CPEB1: variants seen among roughly 807,000 people sequenced by gnomAD.
CPEB1 encodes cytoplasmic polyadenylation element-binding protein 1.
A neutral mutation model predicts 65.8 loss-of-function variants in CPEB1; 7 were observed. The observed-to-expected ratio is 0.11, with a 90% CI of 0.06 to 0.20. CPEB1 has a LOEUF of 0.20. Ranked by LOEUF, CPEB1 falls within the 10% of genes least tolerant of loss-of-function variation. The pLI, the probability that CPEB1 is intolerant of heterozygous loss-of-function variation, is 1.00. For missense variants in CPEB1, 551 were observed against 712.2 expected (o/e 0.77, Z 2.58); for synonymous variants, 262 against 260.0 (o/e 1.01, Z -0.08).
At chr15:82,571,255 G>A (rs2039980558) in intron 4 of CPEB1, 89 bp downstream of exon 4, 1 of 1,491,948 alleles carries the variant, frequency 6.7e-7, no homozygotes, top group Non-Finnish European at 9.0e-7. Flanking sequence ...GTGATGCAAA[G>A]GGGAACAGAA....
rs537799390 is a variant in CPEB1 at position 82,571,481 on chromosome 15, G to A, written c.323C>T (p.Ser108Phe). Reference protein sequence around the residue: ...TVTSRMLFPTSAQESSRGLPD... With the variant: ...TVTSRMLFPTFAQESSRGLPD... ...GAGGCCACGGGAAGATTCTTGCGCA[G>A]AGGTTGGGAAAAGCATCCTGCTTGT... is the stretch of plus-strand genomic sequence containing the variant. Residue 108 changes from serine (S) to phenylalanine (F), a missense_variant, in exon 4 of 13, where the codon TCT becomes TTT. Coordinates refer to ENST00000684509, the MANE Select transcript of CPEB1 (RefSeq NM_001365242.1). The A allele has an allele frequency of 5.6e-6, 9 of 1,614,230 alleles. No individual in the cohort carries two copies. The South Asian group carries it at 8.8e-5, about 16-fold the overall frequency.
At chr15:82,580,187 G>A (rs1241880603) in intron 3 of CPEB1, among the ~76,000 whole-genome samples, 1 of 151,564 alleles carries the variant, frequency 6.6e-6, no homozygotes, top group African/African-American at 2.4e-5. Flanking sequence ...TGGGCATGGT[G>A]CCACGTGCCT....
rs78565363 is a variant in CPEB1, at chr15:82,624,480, A to G, written c.271+2713T>C. Among the ~76,000 whole-genome samples the G allele has an allele frequency of 2.4e-3, 366 of 152,162 alleles. 4 individuals carry two copies. The East Asian group carries it at 0.04, about 17-fold the overall frequency. ...TCAAGCTTAGAACCCAGGTTTCCCA[A>G]TTTCCTCAAGATCTTCCTCCTGCTT... On this transcript the variant is annotated intron_variant, in intron 3 of 12. Coordinates refer to ENST00000684509, the MANE Select transcript of CPEB1 (RefSeq NM_001365242.1).
intron 4 of CPEB1, among the ~76,000 whole-genome samples, chr15:82,564,933 C>T (rs573091402): frequency 2.8e-4 from 42 of 152,078 alleles, no homozygotes; most frequent in African/African-American, 9.6e-4. Context: ...CATAGAAAAA[C>T]GGGGAAAGGA....
intron 3 of CPEB1, among the ~76,000 whole-genome samples, chr15:82,595,513 GATTGGACC>G (rs1265239759): frequency 3.3e-5 from 5 of 152,166 alleles, no homozygotes; most frequent in African/African-American, 4.8e-5. Flanking sequence ...ACTGTTCAAA[GATTGGACC>G]ATCTAAACAA....
chr15:82,570,785 T>C (rs1218708797), intron 4 of CPEB1, among the ~76,000 whole-genome samples: 2 of 152,006 alleles, frequency 1.3e-5, no homozygotes, highest in Non-Finnish European at 2.9e-5. Context: ...TGCCTACCCC[T>C]TTCCAGGATC....
intron 4 of CPEB1, among the ~76,000 whole-genome samples, chr15:82,568,443 C>G (rs527848538): frequency 6.6e-6 from 1 of 152,314 alleles, no homozygotes; most frequent in East Asian, 1.9e-4. Context: ...CAAAGTCTTC[C>G]TCCCCATCAA....
chr15:82,562,174 C>CT, intron 4 of CPEB1: 1 of 418,128 alleles, frequency 2.4e-6, no homozygotes, highest in South Asian at 1.7e-5. Context: ...TTTTTTTAAT[C>CT]TTTAGGACTT....
At chr15:82,617,377 C>T (rs942575181) in intron 3 of CPEB1, among the ~76,000 whole-genome samples, 10 of 152,044 alleles carry the variant, frequency 6.6e-5, no homozygotes, top group Admixed American at 5.9e-4. Context: ...AGTTTGTATA[C>T]GGTAAATGGT....
chr15:82,598,760 G>C (rs978114069), intron 3 of CPEB1, among the ~76,000 whole-genome samples: 1 of 152,102 alleles, frequency 6.6e-6, no homozygotes, highest in Non-Finnish European at 1.5e-5. Flanking sequence ...ACTCCAGTCT[G>C]GGTGACAGAG....
chr15:82,644,148 TTCC>T (rs1182192571), intron 1 of CPEB1, among the ~76,000 whole-genome samples: 2 of 152,088 alleles, frequency 1.3e-5, no homozygotes, highest in Admixed American at 6.5e-5. Flanking sequence ...ACACAGCACA[TTCC>T]TCCTAACATC....
Position 82,628,521 on chromosome 15 carries a change from T to C in CPEB1, c.-62A>G. On this transcript the variant is annotated 5_prime_UTR_variant, in exon 2 of 13. Coordinates refer to ENST00000684509, the MANE Select transcript of CPEB1 (RefSeq NM_001365242.1). The stretch of plus-strand genomic sequence containing the variant: ...ATTCAAGGCTGCTTTTGACTTCTTT[T>C]ACAATACAGACCCTTCTATTACACA... 2.9e-6 allele frequency: 2 copies of C among 698,058 alleles called. No homozygotes were observed. The highest frequency in any genetic ancestry group is 5.2e-6 in the Non-Finnish European group (2 of 383,432). The allele number at this position is 698,058 out of a possible 1,614,324, so 43.2% of individuals were successfully genotyped here.
Position 82,552,253 on chromosome 15 carries a change from C to A in CPEB1, c.1281+227G>T, listed in dbSNP as rs964746391. Among the ~76,000 whole-genome samples the A allele has an allele frequency of 5.3e-5, 8 of 149,580 alleles. No homozygotes were observed. The East Asian group carries it at 1.6e-3, about 29-fold the overall frequency. On this transcript the variant is annotated intron_variant, in intron 9 of 12. Transcript: ENST00000684509. ...AGACAGTTTGATTACCATGGGCAGG[C>A]ATGCGCATGTGTGCATGCACACACC...
chr15:82,614,990 A>G (rs1321205256), intron 3 of CPEB1, among the ~76,000 whole-genome samples: 1 of 152,156 alleles, frequency 6.6e-6, no homozygotes, highest in Non-Finnish European at 1.5e-5. Flanking sequence ...ATCATTGTAG[A>G]TAGTATTCAA....
intron 1 of CPEB1, among the ~76,000 whole-genome samples, chr15:82,639,700 A>G (rs1315688834): frequency 1.3e-5 from 2 of 152,170 alleles, no homozygotes; most frequent in African/African-American, 4.8e-5. Context: ...AGTTCCCACC[A>G]TTCCCAGAAC....
intron 4 of CPEB1, among the ~76,000 whole-genome samples, chr15:82,569,429 T>TA (rs1161593058): frequency 6.6e-6 from 1 of 152,190 alleles, no homozygotes; most frequent in Non-Finnish European, 1.5e-5. Context: ...TTCTGGTCCT[T>TA]ATGAATTCTG....
intron 12 of CPEB1, among the ~76,000 whole-genome samples, chr15:82,546,146 C>G (rs1046395908): frequency 2.6e-5 from 4 of 152,074 alleles, no homozygotes; most frequent in Admixed American, 2.6e-4. Flanking sequence ...GAGTCTCGCT[C>G]TGTCCCAGGC....
intron 3 of CPEB1, among the ~76,000 whole-genome samples, chr15:82,595,766 T>C (rs2042618635): frequency 6.6e-6 from 1 of 152,220 alleles, no homozygotes; most frequent in Admixed American, 6.5e-5. Flanking sequence ...AAAAAGCATA[T>C]CAACTAATAA....
intron 3 of CPEB1, among the ~76,000 whole-genome samples, chr15:82,574,553 A>C (rs944650775): frequency 6.6e-6 from 1 of 151,874 alleles, no homozygotes; most frequent in Non-Finnish European, 1.5e-5. Context: ...ACCTGTCTCT[A>C]CTAAAAATAC....
Sources: gnomAD v4.1 joint callset for allele counts (sites outside exome capture counted in the v4.1 genomes callset) on GRCh38, gnomAD v4.1.1 for gene constraint, MANE v1.5 for transcripts, NCBI Gene and HGNC (gene_info 2026-07-23, HGNC 2026-07-21) for gene names.